Variants in PPP1R3A observed in about 807,000 individuals in gnomAD.
PPP1R3A encodes the protein protein phosphatase 1 regulatory subunit 3A.
Under a neutral mutation model 41.7 loss-of-function variants are expected in PPP1R3A, and 29 were observed. The ratio of observed to expected loss-of-function variants is 0.70; its 90% CI spans 0.52 to 0.95. PPP1R3A has a LOEUF of 0.95. Among genes scored for constraint, PPP1R3A ranks in the 40% least tolerant of loss-of-function variants. PPP1R3A has a pLI of 0.00. For synonymous variants in PPP1R3A, 485 were observed against 453.4 expected (o/e 1.07, Z -0.89); for missense variants, 1,352 against 1,292.4 (o/e 1.05, Z -0.71).
chr7:113,902,079 C>T (rs1584416990), intron 1 of PPP1R3A, among the ~76,000 whole-genome samples: 1 of 151,774 alleles, frequency 6.6e-6, no homozygotes, highest in African/African-American at 2.4e-5. Context: ...TTTTCTTGGT[C>T]TCTTAATGTT....
intron 1 of PPP1R3A, among the ~76,000 whole-genome samples, chr7:113,899,247 T>C (rs1181007356): frequency 1.3e-5 from 2 of 151,752 alleles, no homozygotes; most frequent in Non-Finnish European, 2.9e-5. Context: ...AGTAGTGTAT[T>C]ATTGATTAAA....
chr7:113,881,061 C>G (rs1295655039), intron 3 of PPP1R3A, among the ~76,000 whole-genome samples: 1 of 151,328 alleles, frequency 6.6e-6, no homozygotes, highest in African/African-American at 2.4e-5. Flanking sequence ...TTTCAGGGCC[C>G]TTTCATTATA....
At chr7:113,895,298 C>T (rs1280174117) in intron 1 of PPP1R3A, among the ~76,000 whole-genome samples, 2 of 151,716 alleles carry the variant, frequency 1.3e-5, no homozygotes, top group African/African-American at 2.4e-5. Context: ...AAAAGCAATG[C>T]TTCAATATGT....
Position 113,879,474 on chromosome 7 carries a change from C to G in PPP1R3A, c.1618G>C (p.Asp540His). 1 of 1,613,220 alleles carries G rather than the reference C, an allele frequency of 6.2e-7. No homozygotes were observed. Among genetic ancestry groups the G allele is most frequent in the East Asian group, 2.2e-5 (1 of 44,840 alleles). The part of the protein sequence containing the change: ...QRKNFQTILH[D>H]QERKMGNPKI... ...GGGTTACCCATCTTCCTTTCTTGGT[C>G]ATGTAAGATTGTTTGGAAATTTTTT... The change falls in exon 4 of 4, where the codon GAC becomes CAC. Residue 540 changes from aspartate to histidine, a missense_variant. By Grantham distance (81) the Asp-to-His change is moderately conservative (BLOSUM62 -1). Coordinates refer to ENST00000284601, the MANE Select transcript of PPP1R3A (RefSeq NM_002711.4).
rs771601778 is a variant in PPP1R3A, at chr7:113,878,619, T to C, written c.2473A>G (p.Met825Val). The change falls in exon 4 of 4, where the codon ATG (methionine) becomes GTG (valine). Residue 825 changes from methionine to valine, a missense_variant. Transcript: ENST00000284601. ...DEMEKEETMSMYNPRKTHDRE... is the reference protein window; with the variant it reads ...DEMEKEETMSVYNPRKTHDRE... The stretch of plus-strand genomic sequence containing the variant: ...TCATGTGTCTTCCTAGGATTGTACA[T>C]AGACATGGTTTCTTCCTTCTCCATT... The C allele has an allele frequency of 1.9e-6, 3 of 1,613,504 alleles. No individual in the cohort carries two copies. The highest frequency in any genetic ancestry group is 1.7e-5 in the Admixed American group (1 of 59,906).
chr7:113,881,245 A>C (rs1420954476), intron 3 of PPP1R3A, among the ~76,000 whole-genome samples: 4 of 151,998 alleles, frequency 2.6e-5, no homozygotes, highest in Non-Finnish European at 4.4e-5. Context: ...GATGAGCTCT[A>C]TTTCTTTCCT....
At position 113,879,964 on chromosome 7, in the gene PPP1R3A, T is replaced by C. The variant is rs781093041; in HGVS notation, c.1128A>G (p.Pro376=). The C allele has an allele frequency of 2.5e-6, 4 of 1,613,442 alleles. No homozygotes were observed. Among genetic ancestry groups the C allele is most frequent in the African/African-American group, 1.3e-5 (1 of 74,856 alleles). The change falls in exon 4 of 4, where the codon CCA becomes CCG. Residue 376 remains proline, a synonymous_variant. Coordinates refer to ENST00000284601, the MANE Select transcript of PPP1R3A (RefSeq NM_002711.4). ...CTDLFQRSLS[P]SSSAESSVKG... ...TTACGGAGCTTTCTGCTGATGAACTTGGAGACAGAGACCTTTGGAACAAGT... is the reference window on the plus strand; with the variant it reads ...TTACGGAGCTTTCTGCTGATGAACTCGGAGACAGAGACCTTTGGAACAAGT...
At position 113,882,150 on chromosome 7, in the gene PPP1R3A, T is replaced by A. The variant is rs1273068462; in HGVS notation, c.855A>T (p.Pro285=). 1 of 1,611,708 alleles carries A rather than the reference T, an allele frequency of 6.2e-7. No homozygotes were observed. The highest frequency in any genetic ancestry group is 8.5e-7 in the Non-Finnish European group (1 of 1,178,270). ...TGTCCTCATGAGAACAAATGATTGT[T>A]GGGATATAGGTATCTGAAAAGTTAA... ...ENPKNTDTYI[P]TIICSHEDKE... is the part of the protein sequence containing the mutation. Residue 285 remains proline (P), a synonymous_variant, in exon 3 of 4, where the codon CCA becomes CCT. Coordinates refer to ENST00000284601, the MANE Select transcript of PPP1R3A (RefSeq NM_002711.4).
At chr7:113,907,623 A>G (rs1797168586) in intron 1 of PPP1R3A, among the ~76,000 whole-genome samples, 1 of 151,874 alleles carries the variant, frequency 6.6e-6, no homozygotes, top group Non-Finnish European at 1.5e-5. Flanking sequence ...AATGTAATAA[A>G]TGAGCTTTGA....
intron 1 of PPP1R3A, among the ~76,000 whole-genome samples, chr7:113,896,316 C>T (rs889399785): frequency 2.6e-5 from 4 of 151,848 alleles, no homozygotes; most frequent in Non-Finnish European, 4.4e-5. Context: ...GAATCTACCG[C>T]TTCACATTCA....
intron 1 of PPP1R3A, among the ~76,000 whole-genome samples, chr7:113,895,103 C>A (rs1403073545): frequency 6.6e-6 from 1 of 151,914 alleles, no homozygotes; most frequent in Non-Finnish European, 1.5e-5. Context: ...TAATGTTCCC[C>A]AAGATGGGAT....
chr7:113,900,604 A>G (rs1797045687), intron 1 of PPP1R3A, among the ~76,000 whole-genome samples: 1 of 149,220 alleles, frequency 6.7e-6, no homozygotes. Flanking sequence ...TATATCATAC[A>G]TATATAGTAT....
intron 1 of PPP1R3A, among the ~76,000 whole-genome samples, chr7:113,892,127 A>T (rs1796901903): frequency 6.6e-6 from 1 of 152,044 alleles, no homozygotes; most frequent in Non-Finnish European, 1.5e-5. Context: ...CTAAAAAGTA[A>T]ATGTGAAATT....
rs139950406 is a variant in PPP1R3A at position 113,908,545 on chromosome 7, T to C, written c.782+9670A>G. On this transcript the variant is annotated intron_variant, in intron 1 of 3. Coordinates refer to ENST00000284601, the MANE Select transcript of PPP1R3A (RefSeq NM_002711.4). ...ATACACACAAAGTCAAGAAATTTAGTATATATTCAAATAATTTCTGCTTGT... is the reference window on the plus strand; with the variant it reads ...ATACACACAAAGTCAAGAAATTTAGCATATATTCAAATAATTTCTGCTTGT... Among the ~76,000 whole-genome samples the C allele has an allele frequency of 3.5e-3, 535 of 152,086 alleles. 2 individuals carry two copies. The highest frequency in any genetic ancestry group is 0.012 in the African/African-American group (508 of 41,536).
In PPP1R3A at chr7:113,877,826, A is replaced by T. The variant is rs573421890; in HGVS notation, c.3266T>A (p.Val1089Asp). 33 of 1,609,000 alleles carry T rather than the reference A, an allele frequency of 2.1e-5. No homozygotes were observed. In the South Asian group the frequency reaches 3.5e-4, roughly 17 times the overall value. The change falls in exon 4 of 4, where the codon GTC (valine) becomes GAC (aspartate). Residue 1089 changes from valine (V) to aspartate (D), a missense_variant. Coordinates refer to ENST00000284601, the MANE Select transcript of PPP1R3A (RefSeq NM_002711.4). ...GCCAATCATTAAGTCATAATGGTAG[A>T]CAGTTATAAGAAATATCAGAAACAA... is the stretch of plus-strand genomic sequence containing the variant. ...FLLFLIFLITVYHYDLMIGLT... is the reference protein window; with the variant it reads ...FLLFLIFLITDYHYDLMIGLT...
chr7:113,896,940 C>T (rs1393052303), intron 1 of PPP1R3A, among the ~76,000 whole-genome samples: 4 of 151,878 alleles, frequency 2.6e-5, no homozygotes, highest in African/African-American at 9.7e-5. Context: ...ATCAAACTTA[C>T]ATTCCTGCAA....
chr7:113,890,207 C>T (rs956033106), intron 1 of PPP1R3A, among the ~76,000 whole-genome samples: 4 of 152,134 alleles, frequency 2.6e-5, no homozygotes, highest in Non-Finnish European at 5.9e-5. Flanking sequence ...CAAATTCAAA[C>T]CCAAACAGTG....
At chr7:113,881,224 G>T (rs1211064318) in intron 3 of PPP1R3A, among the ~76,000 whole-genome samples, 1 of 152,088 alleles carries the variant, frequency 6.6e-6, no homozygotes, top group Non-Finnish European at 1.5e-5. Flanking sequence ...GGTGGAATAT[G>T]TGGGGAAATA....
chr7:113,888,279 G>C (rs570761795), intron 1 of PPP1R3A, among the ~76,000 whole-genome samples: 1 of 152,080 alleles, frequency 6.6e-6, no homozygotes, highest in African/African-American at 2.4e-5. Flanking sequence ...CGTATTTCTG[G>C]AGGTAATGTA....
Sources: gnomAD v4.1 joint callset for allele counts (sites outside exome capture counted in the v4.1 genomes callset) on GRCh38, gnomAD v4.1.1 for gene constraint, MANE v1.5 for transcripts, NCBI Gene and HGNC (gene_info 2026-07-23, HGNC 2026-07-21) for gene names.